Variants in C2CD3 observed in about 807,000 individuals in gnomAD.
The protein encoded by C2CD3 is C2 domain containing 3 centriole elongation regulator.
In C2CD3, 148 loss-of-function variants were observed where a neutral mutation model predicts 234.0. The ratio of observed to expected loss-of-function variants is 0.63; its 90% confidence interval spans 0.55 to 0.72. The LOEUF is 0.72. C2CD3 is among the 30% of genes least tolerant of loss of function. The pLI is 0.00. For missense variants in C2CD3, 2,577 were observed against 2,811.5 expected (o/e 0.92, Z 1.89); for synonymous variants, 1,000 against 1,035.4 (o/e 0.97, Z 0.66).
chr11:74,155,646 C>T (rs1169059393), intron 3 of C2CD3, among the ~76,000 whole-genome samples: 1 of 152,014 alleles, frequency 6.6e-6, no homozygotes, highest in African/African-American at 2.4e-5. Context: ...TCGCAAAAGG[C>T]CACATATATT....
At chr11:74,098,733 T>C (rs1956204774) in intron 15 of C2CD3, among the ~76,000 whole-genome samples, 1 of 152,204 alleles carries the variant, frequency 6.6e-6, no homozygotes, top group Non-Finnish European at 1.5e-5. Flanking sequence ...TATCCACTAT[T>C]AATGGATGAG....
intron 16 of C2CD3, among the ~76,000 whole-genome samples, chr11:74,095,912 T>C (rs919271678): frequency 1.3e-5 from 2 of 152,196 alleles, no homozygotes; most frequent in Non-Finnish European, 2.9e-5. Flanking sequence ...CAGCAGACAG[T>C]GGCATCCACG....
At chr11:74,168,225 G>A in intron 2 of C2CD3, 119 bp downstream of exon 2, 1 of 801,756 alleles carries the variant, frequency 1.2e-6, no homozygotes, top group Non-Finnish European at 2.0e-6. Context: ...AAAACTCTTT[G>A]ACTCTTCAAT....
In C2CD3 at chr11:74,114,473, G is replaced by C. The variant is rs576750407; in HGVS notation, c.1641C>G (p.Thr547=). The part of the protein sequence containing the change: ...RTHSVRIIIE[T]MGVPPDSPQM... ...GAGGACTATCTGGAGGAACTCCCATGGTTTCGATGATGATTCTGACTGAAT... is the reference window on the plus strand; with the variant it reads ...GAGGACTATCTGGAGGAACTCCCATCGTTTCGATGATGATTCTGACTGAAT... The change falls in exon 10 of 33, where the codon ACC becomes ACG. Residue 547 remains threonine, a synonymous_variant. Transcript: ENST00000334126. The C allele has an allele frequency of 4.3e-6, 7 of 1,613,822 alleles. No individual in the cohort carries two copies. The highest frequency in any genetic ancestry group is 5.9e-6 in the Non-Finnish European group (7 of 1,179,850).
intron 5 of C2CD3, among the ~76,000 whole-genome samples, chr11:74,134,489 A>C (rs1957793614): frequency 6.6e-6 from 1 of 152,184 alleles, no homozygotes; most frequent in South Asian, 2.1e-4. Flanking sequence ...GAATAGTCAC[A>C]GTGTTCCAGC....
At position 74,077,861 on chromosome 11, in the gene C2CD3, C is replaced by A. The variant is rs1298342971; in HGVS notation, c.4603+254G>T. Among the ~76,000 whole-genome samples, 11 of 109,352 alleles carry A rather than the reference C, an allele frequency of 1.0e-4. 1 individual carries two copies. The highest frequency in any genetic ancestry group is 2.9e-4 in the African/African-American group (9 of 31,186). The allele number at this position is 109,352 out of a possible 152,430, so 71.7% of individuals were successfully genotyped here. On this transcript the variant is annotated intron_variant, in intron 23 of 32. Coordinates refer to ENST00000334126, the MANE Select transcript of C2CD3 (RefSeq NM_001286577.2). The stretch of plus-strand genomic sequence containing the variant: ...TATATATATATTATCTCTTTAGTTA[C>A]AAGAAGCACTACTAAATTATTATTA...
At chr11:74,079,116 T>C (rs1221577411) in intron 22 of C2CD3, among the ~76,000 whole-genome samples, 3 of 152,202 alleles carry the variant, frequency 2.0e-5, no homozygotes, top group Non-Finnish European at 4.4e-5. Flanking sequence ...AAGTGAAATG[T>C]TTATGGTACT....
At position 74,013,485 on chromosome 11, in the gene C2CD3, G is replaced by A. The variant is rs1161113213; in HGVS notation, c.6962C>T (p.Pro2321Leu). 2 of 1,406,184 alleles carry A rather than the reference G, an allele frequency of 1.4e-6. No individual in the cohort carries two copies. Among genetic ancestry groups the A allele is most frequent in the East Asian group, 2.9e-5 (1 of 34,322 alleles). 87.1% of individuals were successfully genotyped at this position (1,406,184 alleles called of 1,614,324 possible). A position where few individuals can be genotyped will look rare whatever the true frequency, so the allele number is the denominator to read the frequency against. ...GAGCGAGTTAGGTCTGGGGCGACAA[G>A]GCCTTTGGGAGAGAGCTCCCCTGGT... ...EATRGALSQR[P>L]CRPRPNSLPL... is the part of the protein sequence containing the mutation. Residue 2321 changes from proline (P) to leucine (L), a missense_variant, in exon 33 of 33, where the codon CCT becomes CTT. Pro to Leu is a moderately conservative substitution (Grantham distance 98). Transcript: ENST00000334126.
At chr11:74,117,984 C>G (rs1318034581) in intron 9 of C2CD3, among the ~76,000 whole-genome samples, 1 of 151,468 alleles carries the variant, frequency 6.6e-6, no homozygotes, top group Non-Finnish European at 1.5e-5. Context: ...GCACCAAAAT[C>G]TCAGAAATCA....
chr11:74,069,581 G>T (rs1004720871), intron 24 of C2CD3, among the ~76,000 whole-genome samples: 6 of 152,164 alleles, frequency 3.9e-5, no homozygotes, highest in Non-Finnish European at 5.9e-5. Context: ...CATAAGATAG[G>T]CATCTCTATC....
chr11:74,015,180 G>A (rs1951835303), intron 32 of C2CD3, among the ~76,000 whole-genome samples: 1 of 152,230 alleles, frequency 6.6e-6, no homozygotes, highest in African/African-American at 2.4e-5. Flanking sequence ...GCCTGGGTCT[G>A]AGGCTTGGGA....
intron 22 of C2CD3, among the ~76,000 whole-genome samples, chr11:74,081,622 ATC>A (rs1565269334): frequency 4.6e-5 from 7 of 152,086 alleles, no homozygotes; most frequent in African/African-American, 1.4e-4. Flanking sequence ...CATCATCATC[ATC>A]ACCATCATCA....
chr11:74,029,362 T>C (rs908249791), intron 31 of C2CD3, among the ~76,000 whole-genome samples: 5 of 152,262 alleles, frequency 3.3e-5, no homozygotes, highest in Admixed American at 1.3e-4. Flanking sequence ...AGAGATGATC[T>C]GTCTTTCATA....
intron 30 of C2CD3, chr11:74,036,309 C>G (rs1952740062): frequency 2.7e-6 from 1 of 370,694 alleles, no homozygotes; most frequent in African/African-American, 2.1e-5. Flanking sequence ...AGAATATAAG[C>G]TTGATGAAGG....
At chr11:74,104,159 C>T (rs2135497650) in intron 13 of C2CD3, among the ~76,000 whole-genome samples, 2 of 152,262 alleles carry the variant, frequency 1.3e-5, no homozygotes, top group African/African-American at 2.4e-5. Context: ...AGTGGAGGAA[C>T]ATTCTTTAAA....
chr11:74,129,278 A>G (rs1957544465), intron 7 of C2CD3: 1 of 175,562 alleles, frequency 5.7e-6, no homozygotes, highest in Non-Finnish European at 1.2e-5. Context: ...CACTTCTCAG[A>G]CGGGGCGGCT....
intron 3 of C2CD3, among the ~76,000 whole-genome samples, chr11:74,146,719 C>CATACAT (rs201264300): frequency 7.0e-6 from 1 of 142,166 alleles, no homozygotes; most frequent in African/African-American, 2.8e-5. Flanking sequence ...ACCACACACA[C>CATACAT]ACACACACAC....
chr11:74,054,943 G>T lies in C2CD3; in HGVS notation c.5091-272C>A, dbSNP rs148436750. Among the ~76,000 whole-genome samples, 707 of 152,240 alleles carry T rather than the reference G, an allele frequency of 4.6e-3. 8 individuals are homozygous for T. Among genetic ancestry groups the T allele is most frequent in the Middle Eastern group, 0.01 (3 of 294 alleles). ...CCCAAAGTTTCCCTAAGACAGAGGA[G>T]GAAGTATGGAAAAGAAGTTCCTCAA... On this transcript the variant is annotated intron_variant, in intron 25 of 32. Transcript: ENST00000334126.
intron 24 of C2CD3, among the ~76,000 whole-genome samples, chr11:74,061,342 A>C (rs1954233709): frequency 6.6e-6 from 1 of 152,218 alleles, no homozygotes; most frequent in South Asian, 2.1e-4. Context: ...ACCAAAGTTG[A>C]AATGAAGGAA....
Sources: allele counts gnomAD v4.1 joint callset (sites outside exome capture counted in the v4.1 genomes callset), GRCh38; gene constraint gnomAD v4.1.1; transcripts MANE v1.5; gene names NCBI Gene and HGNC (gene_info 2026-07-23, HGNC 2026-07-21).